The following TRHDE variants were observed in gnomAD, a reference collection of about 807,000 sequenced individuals.
The protein encoded by TRHDE is thyrotropin-releasing hormone-degrading ectoenzyme.
A neutral mutation model predicts 125.7 loss-of-function variants in TRHDE; 72 were observed. The observed-to-expected ratio is 0.57, with a 90% CI of 0.47 to 0.70. TRHDE has a LOEUF of 0.70. Ranked by LOEUF, TRHDE falls within the 30% of genes least tolerant of loss-of-function variation. The probability of loss-of-function intolerance (pLI) is 0.00; values close to 1 mark genes in which losing one functional copy is unlikely to be tolerated. For missense variants in TRHDE, 1,110 were observed against 1,327.1 expected, an observed-to-expected ratio of 0.84 and a Z score of 2.54; for synonymous variants, 509 against 509.1, an observed-to-expected ratio of 1.00 and a Z score of 0.00.
intron 12 of TRHDE, among the ~76,000 whole-genome samples, chr12:72,592,261 A>C (rs1417488455): frequency 6.6e-6 from 1 of 151,990 alleles, no homozygotes; most frequent in African/African-American, 2.4e-5. Flanking sequence ...ATCCAGTGAA[A>C]CTGTATTTTT....
Position 72,662,315 on chromosome 12 carries a change from G to C in TRHDE, c.3067-737G>C, listed in dbSNP as rs147190726. Reference sequence around the variant, plus strand: ...AAAACTTCTGGTATTTAATCTTGAAGTAAAATCTTGGAGTATTTCCAGAGT... The same window carrying C: ...AAAACTTCTGGTATTTAATCTTGAACTAAAATCTTGGAGTATTTCCAGAGT... On this transcript the variant is annotated intron_variant, in intron 18 of 18. Transcript: ENST00000261180. 6.6e-3 allele frequency among the ~76,000 whole-genome samples: 1,001 copies of C among 152,280 alleles called. 4 individuals are homozygous for C. Among genetic ancestry groups the C allele is most frequent in the Non-Finnish European group, 0.01 (681 of 68,022 alleles).
intron 6 of TRHDE, among the ~76,000 whole-genome samples, chr12:72,509,683 T>C (rs912609555): frequency 6.6e-6 from 1 of 152,174 alleles, no homozygotes; most frequent in African/African-American, 2.4e-5. Flanking sequence ...TCCTATTATG[T>C]TTACTATATT....
At chr12:72,302,788 G>T (rs762459983) in intron 2 of TRHDE, among the ~76,000 whole-genome samples, 4 of 152,178 alleles carry the variant, frequency 2.6e-5, no homozygotes, top group Non-Finnish European at 5.9e-5. Flanking sequence ...CCACAGATCT[G>T]CTGAGGAAGG....
At chr12:72,483,076 C>T (rs931816049) in intron 5 of TRHDE, among the ~76,000 whole-genome samples, 1 of 151,870 alleles carries the variant, frequency 6.6e-6, no homozygotes, top group Non-Finnish European at 1.5e-5. Flanking sequence ...GATTAATCTA[C>T]ATTGACTTGT....
At chr12:72,246,949 T>C (rs1276546235) in intron 2 of TRHDE, among the ~76,000 whole-genome samples, 1 of 152,184 alleles carries the variant, frequency 6.6e-6, no homozygotes, top group East Asian at 1.9e-4. Flanking sequence ...TGGATGAAGA[T>C]CAAAATCATG....
chr12:72,370,690 C>T (rs368925548), intron 2 of TRHDE, among the ~76,000 whole-genome samples: 90 of 151,710 alleles, frequency 5.9e-4, no homozygotes, highest in African/African-American at 2.1e-3. Context: ...TTATCATGTT[C>T]TGGCTTAATA....
At chr12:72,173,667 A>T (rs561406724) in intron 2 of TRHDE, among the ~76,000 whole-genome samples, 1 of 152,316 alleles carries the variant, frequency 6.6e-6, no homozygotes, top group South Asian at 2.1e-4. Flanking sequence ...AAATAATTGT[A>T]AACTTAAAGA....
intron 6 of TRHDE, among the ~76,000 whole-genome samples, chr12:72,504,305 AT>A (rs748855139): frequency 0.08 from 11,281 of 141,480 alleles, 452 homozygotes; most frequent in Middle Eastern, 0.13. Flanking sequence ...CACTAAGAAA[AT>A]TTTTTTTTTT....
chr12:72,485,644 C>A (rs928040053), intron 5 of TRHDE, among the ~76,000 whole-genome samples: 4 of 152,118 alleles, frequency 2.6e-5, no homozygotes, highest in Admixed American at 1.3e-4. Flanking sequence ...GGAATACAAG[C>A]GCAGTTTCAC....
chr12:72,611,986 C>T (rs1464675930), intron 12 of TRHDE, among the ~76,000 whole-genome samples: 1 of 152,120 alleles, frequency 6.6e-6, no homozygotes, highest in African/African-American at 2.4e-5. Flanking sequence ...ATCCGAAGCC[C>T]TTATTATTTC....
intron 3 of TRHDE, among the ~76,000 whole-genome samples, chr12:72,406,395 C>T (rs1337015470): frequency 6.6e-6 from 1 of 152,104 alleles, no homozygotes; most frequent in Non-Finnish European, 1.5e-5. Context: ...ATTATTGCTT[C>T]TGAGCAGAGG....
Position 72,566,318 on chromosome 12 carries a change from A to AT in TRHDE, c.2043-2240dup, listed in dbSNP as rs573420541. ...AAAAATTATTCTTAGGAAATAATAA[A>AT]TTTTTTTTTTAAGTTTTAAAAAATG... On this transcript the variant is annotated intron_variant, in intron 9 of 18. Transcript: ENST00000261180. Among the ~76,000 whole-genome samples, 99 of 149,828 alleles carry AT rather than the reference A, an allele frequency of 6.6e-4. 4 individuals are homozygous for AT. The South Asian group carries it at 0.018, about 27-fold the overall frequency.
intron 2 of TRHDE, among the ~76,000 whole-genome samples, chr12:72,345,581 T>C (rs902789586): frequency 2.6e-5 from 4 of 152,174 alleles, no homozygotes; most frequent in African/African-American, 7.2e-5. Context: ...CATCCAGCTT[T>C]CAAAATTTCT....
chr12:72,259,532 C>A (rs753081165), intron 2 of TRHDE, among the ~76,000 whole-genome samples: 2 of 152,154 alleles, frequency 1.3e-5, no homozygotes, highest in East Asian at 3.8e-4. Context: ...CATTGTTGCT[C>A]CCAGGTCCCT....
chr12:72,615,885 A>G (rs1245674884), intron 12 of TRHDE, among the ~76,000 whole-genome samples: 1 of 152,178 alleles, frequency 6.6e-6, no homozygotes, highest in Non-Finnish European at 1.5e-5. Context: ...AAGACTGCCA[A>G]GGTCACCTGG....
intron 15 of TRHDE, among the ~76,000 whole-genome samples, chr12:72,645,882 C>G (rs1295548186): frequency 6.6e-6 from 1 of 151,760 alleles, no homozygotes; most frequent in Non-Finnish European, 1.5e-5. Context: ...ATGTCATTTA[C>G]AAATAAAAGA....
chr12:72,229,086 T>C (rs1261431196), intron 2 of TRHDE, among the ~76,000 whole-genome samples: 1 of 152,204 alleles, frequency 6.6e-6, no homozygotes, highest in Non-Finnish European at 1.5e-5. Flanking sequence ...ATTCCAAAGT[T>C]GCTTTCACAT....
At chr12:72,387,007 A>G (rs1047065494) in intron 3 of TRHDE, among the ~76,000 whole-genome samples, 8 of 152,140 alleles carry the variant, frequency 5.3e-5, no homozygotes, top group Admixed American at 2.0e-4. Flanking sequence ...TGCTATTTAC[A>G]TTGGTAGTGG....
chr12:72,357,248 A>G (rs1870865237), intron 2 of TRHDE, among the ~76,000 whole-genome samples: 1 of 151,530 alleles, frequency 6.6e-6, no homozygotes, highest in Admixed American at 6.6e-5. Context: ...AGCAATAACT[A>G]TTACTTACAA....
Sources: gnomAD v4.1 joint callset for allele counts (sites outside exome capture counted in the v4.1 genomes callset) on GRCh38, gnomAD v4.1.1 for gene constraint, MANE v1.5 for transcripts, NCBI Gene and HGNC (gene_info 2026-07-23, HGNC 2026-07-21) for gene names.